FANCA: variants seen among roughly 807,000 people sequenced by gnomAD.
FANCA encodes Fanconi anemia group A protein.
In FANCA, 236 loss-of-function variants were observed where a neutral mutation model predicts 194.3. The ratio of observed to expected loss-of-function variants is 1.21; its 90% CI spans 1.09 to 1.35. The LOEUF (loss-of-function observed/expected upper bound fraction) is 1.35, where lower values mean the gene tolerates loss of function less well. Among genes scored for constraint, FANCA ranks in the 40% most tolerant of loss-of-function variants. The probability of loss-of-function intolerance (pLI) is 0.00; values close to 1 mark genes in which losing one functional copy is unlikely to be tolerated. For missense variants in FANCA, 2,628 were observed against 1,813.9 expected, an observed-to-expected ratio of 1.45 and a Z score of -8.15; for synonymous variants, 1,014 against 715.8, an observed-to-expected ratio of 1.42 and a Z score of -6.65.
intron 5 of FANCA, chr16:89,810,423 T>C (rs2040831668): frequency 2.6e-6 from 1 of 387,378 alleles, no homozygotes; most frequent in Non-Finnish European, 4.8e-6. Context: ...TATACTACCC[T>C]GGAAAATTCT....
intron 11 of FANCA, 103 bp downstream of exon 11, chr16:89,795,803 G>A (rs145115641): frequency 2.4e-6 from 2 of 818,556 alleles, no homozygotes; most frequent in East Asian, 4.9e-5. Context: ...ACGTAAAAGA[G>A]GTCCTAGAAT....
At chr16:89,783,179 C>T (rs2143462182) in intron 15 of FANCA, 77 bp from the exon 16 acceptor site, 2 of 1,009,222 alleles carry the variant, frequency 2.0e-6, no homozygotes, top group Admixed American at 3.7e-5. Context: ...AATTCACTTC[C>T]AACATCCACA....
rs149112292 is a variant in FANCA at position 89,758,699 on chromosome 16, G to T, written c.2859C>A (p.Asp953Glu). The T allele has an allele frequency of 2.4e-5, 38 of 1,613,668 alleles. No homozygotes were observed. The highest frequency in any genetic ancestry group is 3.1e-5 in the Non-Finnish European group (36 of 1,179,678). Reference sequence around the variant, plus strand: ...GCTCATGGATCGCCCACTGGTGGAAGTCCTGCCTAGAACAGCAAACACTGC... The same window carrying T: ...GCTCATGGATCGCCCACTGGTGGAATTCCTGCCTAGAACAGCAAACACTGC... ...ADALSDTERQ[D>E]FHQWAIHEHF... Residue 953 changes from aspartate to glutamate, a missense_variant, in exon 30 of 43, where the codon GAC becomes GAA. Physicochemically the swap from Asp to Glu is conservative, Grantham distance 45 (BLOSUM62 2). Transcript: ENST00000389301.
chr16:89,740,206 T>A lies in FANCA; in HGVS notation c.3829-107A>T, dbSNP rs11644967. On this transcript the variant is annotated intron_variant, in intron 38 of 42. Transcript: ENST00000389301. Reference sequence around the variant, plus strand: ...GAGGGCATTTCCTCTTTGCTTATTGTAAGTCTTAAAACTGGTGACAGTTTT... The same window carrying A: ...GAGGGCATTTCCTCTTTGCTTATTGAAAGTCTTAAAACTGGTGACAGTTTT... 0.093 allele frequency: 86,798 copies of A among 929,626 alleles called. 4,794 individuals are homozygous for A. The highest frequency in any genetic ancestry group is 0.17 in the East Asian group (6,956 of 41,668). 57.6% of individuals were successfully genotyped at this position (929,626 alleles called of 1,614,324 possible). A position where few individuals can be genotyped will look rare whatever the true frequency, so the allele number is the denominator to read the frequency against.
intron 36 of FANCA, among the ~76,000 whole-genome samples, chr16:89,744,395 A>C (rs551997096): frequency 6.6e-6 from 1 of 152,118 alleles, no homozygotes; most frequent in African/African-American, 2.4e-5. Flanking sequence ...TGGTCCTCAG[A>C]AGGGTGTGTG....
rs780349960 is a variant in FANCA, at chr16:89,771,819, G to A, written c.2015-5C>T. 84 of 1,613,558 alleles carry A rather than the reference G, an allele frequency of 5.2e-5. No homozygotes were observed. Among genetic ancestry groups the A allele is most frequent in the African/African-American group, 8.0e-5 (6 of 74,900 alleles). On this transcript the variant is annotated splice_region_variant and splice_polypyrimidine_tract_variant and intron_variant, in intron 22 of 42. Transcript: ENST00000389301. ...CTGCCACCTGTGCCGATATAACTGC[G>A]AAGGAAGAAACTAGTTAGGGATGAC...
chr16:89,764,835 C>A (rs11076619), intron 28 of FANCA, 55 bp downstream of exon 28: 123,478 of 1,600,778 alleles, frequency 0.077, 5,710 homozygotes, highest in East Asian at 0.17. Context: ...GAGGAGCACA[C>A]ACAAACCCTA....
chr16:89,754,141 G>C (rs1306762120), intron 30 of FANCA, among the ~76,000 whole-genome samples: 2 of 151,956 alleles, frequency 1.3e-5, no homozygotes, highest in Non-Finnish European at 2.9e-5. Context: ...AGAATCGCTT[G>C]AACCTGAGAG....
Position 89,740,801 on chromosome 16 carries a change from T to C in FANCA, c.3828+3A>G, listed in dbSNP as rs1343308311. On this transcript the variant is annotated splice_donor_region_variant and intron_variant, in intron 38 of 42. Coordinates refer to ENST00000389301, the MANE Select transcript of FANCA (RefSeq NM_000135.4). ...ACACCTTGGCTGGTAAGGTCTGACT[T>C]ACATTTGAGGTCAGATGTGACGACA... 6.2e-7 allele frequency: 1 copy of C among 1,613,276 alleles called. No homozygotes were observed. The highest frequency in any genetic ancestry group is 1.1e-5 in the South Asian group (1 of 90,938).
intron 11 of FANCA, among the ~76,000 whole-genome samples, chr16:89,794,686 T>A (rs1567638284): frequency 6.6e-6 from 1 of 152,132 alleles, no homozygotes; most frequent in South Asian, 2.1e-4. Context: ...GTATCCCTCA[T>A]CTCCCACCAG....
In FANCA at chr16:89,739,546, C is replaced by T. The variant is rs2151713027; in HGVS notation, c.3942G>A (p.Arg1314=). The T allele has an allele frequency of 1.3e-6, 2 of 1,551,260 alleles. No homozygotes were observed. The highest frequency in any genetic ancestry group is 1.7e-6 in the Non-Finnish European group (2 of 1,147,020). The part of the protein sequence containing the change: ...ALFQLTESDL[R]LGRLLLRVAP... ...CCACACGGAGGAGGAGCCGCCCCAGCCTGAGGTCTGCAACACCAAGAAGTG... is the reference window on the plus strand; with the variant it reads ...CCACACGGAGGAGGAGCCGCCCCAGTCTGAGGTCTGCAACACCAAGAAGTG... The change falls in exon 40 of 43, where the codon AGG becomes AGA. Residue 1314 remains arginine, a synonymous_variant. Coordinates refer to ENST00000389301, the MANE Select transcript of FANCA (RefSeq NM_000135.4).
At chr16:89,742,468 A>G (rs771677018) in intron 37 of FANCA, among the ~76,000 whole-genome samples, 4 of 152,060 alleles carry the variant, frequency 2.6e-5, no homozygotes, top group Non-Finnish European at 5.9e-5. Flanking sequence ...ACAACCATTT[A>G]AAAAACTGAA....
At position 89,779,976 on chromosome 16, in the gene FANCA, G is replaced by A. The variant is rs2039645766; in HGVS notation, c.1627-19C>T. ...TGTGGGGCTGGTTCCCATACAGGGAGGAAAGGAAAAAGAACAGAGGACTTT... is the reference window on the plus strand; with the variant it reads ...TGTGGGGCTGGTTCCCATACAGGGAAGAAAGGAAAAAGAACAGAGGACTTT... On this transcript the variant is annotated intron_variant, in intron 17 of 42. Coordinates refer to ENST00000389301, the MANE Select transcript of FANCA (RefSeq NM_000135.4). 1.2e-6 allele frequency: 2 copies of A among 1,609,810 alleles called. No homozygotes were observed. The highest frequency in any genetic ancestry group is 1.7e-6 in the Non-Finnish European group (2 of 1,176,038).
chr16:89,798,186 G>A (rs17226047), intron 10 of FANCA, among the ~76,000 whole-genome samples: 24 of 152,242 alleles, frequency 1.6e-4, no homozygotes, highest in Admixed American at 1.6e-3. Flanking sequence ...CACAGAAAAA[G>A]TAGGTCTCCT....
intron 36 of FANCA, among the ~76,000 whole-genome samples, chr16:89,743,611 G>A (rs1024063757): frequency 2.0e-5 from 3 of 151,952 alleles, no homozygotes; most frequent in African/African-American, 7.2e-5. Context: ...ATCACCTGAG[G>A]TCGGGAGTTC....
intron 29 of FANCA, among the ~76,000 whole-genome samples, chr16:89,761,721 C>T (rs2038960296): frequency 6.6e-6 from 1 of 152,172 alleles, no homozygotes; most frequent in Non-Finnish European, 1.5e-5. Flanking sequence ...ACCTCCCAGG[C>T]TCAAGCAATG....
chr16:89,790,297 G>A (rs1040449442), intron 14 of FANCA, among the ~76,000 whole-genome samples: 1 of 151,994 alleles, frequency 6.6e-6, no homozygotes, highest in African/African-American at 2.4e-5. Flanking sequence ...GGGAGGCGGA[G>A]GCAGGAGAAT....
chr16:89,798,386 T>C, intron 10 of FANCA: 8 of 1,052,360 alleles, frequency 7.6e-6, no homozygotes, highest in Non-Finnish European at 9.2e-6. Flanking sequence ...TATTCACTGT[T>C]TCAGTAAAAG....
At chr16:89,803,468 G>A in intron 7 of FANCA, 127 bp from the exon 8 acceptor site, 1 of 837,830 alleles carries the variant, frequency 1.2e-6, no homozygotes, top group Non-Finnish European at 2.0e-6. Context: ...ACCCCTGTGA[G>A]CTGCTCCTAA....
Sources: gnomAD v4.1 joint callset for allele counts (sites outside exome capture counted in the v4.1 genomes callset) on GRCh38, gnomAD v4.1.1 for gene constraint, MANE v1.5 for transcripts, NCBI Gene and HGNC (gene_info 2026-07-23, HGNC 2026-07-21) for gene names.